The following ZNF462 variants were observed in gnomAD, a reference collection of about 807,000 sequenced individuals.
ZNF462 encodes the protein zinc finger protein 462, also known as zinc finger PBX1-interacting protein.
ZNF462 carries 10 observed loss-of-function variants against 201.9 expected under a neutral mutation model. The observed-to-expected ratio is 0.05, with a 90% CI of 0.03 to 0.08. The LOEUF (loss-of-function observed/expected upper bound fraction) is 0.08. Ranked by LOEUF, ZNF462 falls within the 10% of genes least tolerant of loss-of-function variation. ZNF462 has a pLI of 1.00. For missense variants in ZNF462, 2,523 were observed against 3,168.3 expected (o/e 0.80, Z 4.89); for synonymous variants, 1,227 against 1,193.3 (o/e 1.03, Z -0.58).
chr9:106,959,856 C>A (rs575999353), intron 7 of ZNF462, among the ~76,000 whole-genome samples: 180 of 152,178 alleles, frequency 1.2e-3, no homozygotes, highest in African/African-American at 4.1e-3. Context: ...TAATACCCTA[C>A]ACCTGAATCC....
At chr9:106,903,659 T>G (rs1162540794) in intron 1 of ZNF462, among the ~76,000 whole-genome samples, 1 of 152,172 alleles carries the variant, frequency 6.6e-6, no homozygotes, top group African/African-American at 2.4e-5. Context: ...AGACAAGGCC[T>G]TTTACCATTG....
chr9:106,929,489 A>C lies in ZNF462; in HGVS notation c.5577A>C (p.Ala1859=). 6.2e-7 allele frequency: 1 copy of C among 1,614,200 alleles called. No homozygotes were observed. The highest frequency in any genetic ancestry group is 8.5e-7 in the Non-Finnish European group (1 of 1,180,038). ...GCTTCAAGCTGTCCTTTAGCACTGC[A>C]GAGCTGCTGTGCATGCATTACACTG... ...IKCFKLSFST[A]ELLCMHYTDH... The change falls in exon 3 of 13, where the codon GCA becomes GCC. Residue 1859 remains alanine, a synonymous_variant. Transcript: ENST00000277225. This position sits in a 1 kb window ranked among gnomAD's most constrained non-coding sequence, Gnocchi z 8.7.
rs1478419087 is a variant in ZNF462, at chr9:106,963,785, T to C, written c.6428-8220T>C. ...TACACATTGTTATACAGCAGATCTC[T>C]AGAACTCTTTCATCTTACACGACTG... On this transcript the variant is annotated intron_variant, in intron 7 of 12. Coordinates refer to ENST00000277225, the MANE Select transcript of ZNF462 (RefSeq NM_021224.6). The surrounding 1 kb of genome is among the most constrained non-coding windows in gnomAD (Gnocchi z 4.7). 6.6e-6 allele frequency among the ~76,000 whole-genome samples: 1 copy of C among 152,024 alleles called. No homozygotes were observed. Among genetic ancestry groups the C allele is most frequent in the Non-Finnish European group, 1.5e-5 (1 of 67,974 alleles).
chr9:107,002,575 G>A (rs1829274068), intron 10 of ZNF462, among the ~76,000 whole-genome samples: 1 of 152,132 alleles, frequency 6.6e-6, no homozygotes, highest in Non-Finnish European at 1.5e-5. Flanking sequence ...TTTGAAGAAA[G>A]CTTGGATTCC....
In ZNF462 at chr9:106,938,825, T is replaced by C. The variant is rs563757962; in HGVS notation, c.6236-91T>C. ...AAGCTTGAGATGCGCTTCTCTAGCA[T>C]GAGTTAACTGAGTTATCTTGTTTCC... On this transcript the variant is annotated intron_variant, in intron 6 of 12. Transcript: ENST00000277225. The surrounding 1 kb of genome is among the most constrained non-coding windows in gnomAD (Gnocchi z 4.4). 10 of 1,320,756 alleles carry C rather than the reference T, an allele frequency of 7.6e-6. No homozygotes were observed. In the East Asian group the frequency reaches 2.4e-4, roughly 32 times the overall value. 81.8% of individuals were successfully genotyped at this position (1,320,756 alleles called of 1,614,324 possible). A position where few individuals can be genotyped will look rare whatever the true frequency, so the allele number is the denominator to read the frequency against.
intron 9 of ZNF462, among the ~76,000 whole-genome samples, chr9:106,982,487 T>G (rs573500554): frequency 6.6e-6 from 1 of 152,310 alleles, no homozygotes; most frequent in East Asian, 1.9e-4. Flanking sequence ...CCAAAGCATT[T>G]TTTTTTCTCC....
chr9:106,991,990 T>C (rs1828316133), intron 10 of ZNF462, among the ~76,000 whole-genome samples: 1 of 151,614 alleles, frequency 6.6e-6, no homozygotes, highest in Non-Finnish European at 1.5e-5. Flanking sequence ...AATTTTTATA[T>C]ATGATGCAAA....
chr9:106,879,778 C>T (rs965972179), intron 1 of ZNF462, among the ~76,000 whole-genome samples: 5 of 152,060 alleles, frequency 3.3e-5, no homozygotes, highest in African/African-American at 1.2e-4. Flanking sequence ...TGTCTAGTTC[C>T]CCTGGAAAGA....
Position 106,890,824 on chromosome 9 carries a change from C to T in ZNF462, c.-31+27469C>T, listed in dbSNP as rs1172973496. Among the ~76,000 whole-genome samples, 1 of 152,192 alleles carries T rather than the reference C, an allele frequency of 6.6e-6. No individual in the cohort carries two copies. The highest frequency in any genetic ancestry group is 2.1e-4 in the South Asian group (1 of 4,832). On this transcript the variant is annotated intron_variant, in intron 1 of 12. Transcript: ENST00000277225. The surrounding 1 kb of genome is among the most constrained non-coding windows in gnomAD (Gnocchi z 4.2). ...TCAATTATCATGAGATTACCACATA[C>T]TCTTGCCTGGAATCTTGCCAGCAAT...
At position 106,876,767 on chromosome 9, in the gene ZNF462, T is replaced by C. The variant is rs1243431965; in HGVS notation, c.-31+13412T>C. ...TTTCAGAAGAAAGATGTTATTACTG[T>C]TCCTATTGTTTGGCATCATTCTGGC... On this transcript the variant is annotated intron_variant, in intron 1 of 12. Transcript: ENST00000277225. This position sits in a 1 kb window ranked among gnomAD's most constrained non-coding sequence, Gnocchi z 4.9. Among the ~76,000 whole-genome samples, 1 of 152,200 alleles carries C rather than the reference T, an allele frequency of 6.6e-6. No individual in the cohort carries two copies. Among genetic ancestry groups the C allele is most frequent in the East Asian group, 1.9e-4 (1 of 5,188 alleles).
chr9:106,974,443 A>G lies in ZNF462; in HGVS notation c.6832+170A>G. Reference sequence around the variant, plus strand: ...CAGTGACAGCCAAAAGGGCAAAAACACCTTCCTGCTGGGAGTATTTCCTCC... The same window carrying G: ...CAGTGACAGCCAAAAGGGCAAAAACGCCTTCCTGCTGGGAGTATTTCCTCC... On this transcript the variant is annotated intron_variant, in intron 9 of 12. Coordinates refer to ENST00000277225, the MANE Select transcript of ZNF462 (RefSeq NM_021224.6). The surrounding 1 kb of genome is among the most constrained non-coding windows in gnomAD (Gnocchi z 4.0). The G allele has an allele frequency of 1.0e-6, 1 of 971,912 alleles. No individual in the cohort carries two copies. The highest frequency in any genetic ancestry group is 1.4e-5 in the South Asian group (1 of 70,854). 60.2% of individuals were successfully genotyped at this position (971,912 alleles called of 1,614,324 possible). A position where few individuals can be genotyped will look rare whatever the true frequency, so the allele number is the denominator to read the frequency against.
At chr9:107,007,011 A>C (rs1415494078) in intron 11 of ZNF462, among the ~76,000 whole-genome samples, 1 of 152,054 alleles carries the variant, frequency 6.6e-6, no homozygotes, top group Non-Finnish European at 1.5e-5. Context: ...TGATTTCTTA[A>C]CATCTCTGCA....
At chr9:106,896,405 T>C (rs927130676) in intron 1 of ZNF462, among the ~76,000 whole-genome samples, 1 of 152,112 alleles carries the variant, frequency 6.6e-6, no homozygotes. Flanking sequence ...AGATGTGAGG[T>C]AGAGTGGACC....
At chr9:106,931,608 G>A (rs1029052828) in intron 4 of ZNF462, among the ~76,000 whole-genome samples, 9 of 152,270 alleles carry the variant, frequency 5.9e-5, no homozygotes, top group East Asian at 1.9e-4. Context: ...ACACCACTGC[G>A]GTGTGTCCCA....
intron 9 of ZNF462, among the ~76,000 whole-genome samples, chr9:106,982,540 C>T (rs1160882562): frequency 6.6e-6 from 1 of 152,152 alleles, no homozygotes; most frequent in Admixed American, 6.5e-5. Flanking sequence ...AGGACTTAAA[C>T]AGTTGCTATT....
chr9:106,892,182 T>G (rs1318653876), intron 1 of ZNF462, among the ~76,000 whole-genome samples: 1 of 152,192 alleles, frequency 6.6e-6, no homozygotes, highest in Non-Finnish European at 1.5e-5. Context: ...GCTGGTTTAA[T>G]AGAGTTTTAA....
chr9:106,868,950 G>A (rs1254919421), intron 1 of ZNF462, among the ~76,000 whole-genome samples: 2 of 152,142 alleles, frequency 1.3e-5, no homozygotes, highest in Non-Finnish European at 2.9e-5. Context: ...TAGATCCAGA[G>A]CCCAATTTTG....
intron 10 of ZNF462, among the ~76,000 whole-genome samples, chr9:106,996,703 T>G (rs1438794022): frequency 6.6e-6 from 1 of 152,196 alleles, no homozygotes; most frequent in Non-Finnish European, 1.5e-5. Context: ...TCTTTGTAGA[T>G]TCTGGATATT....
rs1014686012 is a variant in ZNF462 at position 107,013,141 on chromosome 9, T to C, written c.*2111T>C. 6.6e-6 allele frequency: 1 copy of C among 151,766 alleles called. No homozygotes were observed. The highest frequency in any genetic ancestry group is 2.4e-5 in the African/African-American group (1 of 41,080). The allele number at this position is 151,766 out of a possible 1,614,324, so 9.4% of individuals were successfully genotyped here. A position where few individuals can be genotyped will look rare whatever the true frequency, so the allele number is the denominator to read the frequency against. On this transcript the variant is annotated 3_prime_UTR_variant, in exon 13 of 13. Coordinates refer to ENST00000277225, the MANE Select transcript of ZNF462 (RefSeq NM_021224.6). ...AAAGGAAAAAAAAAAAGAAAATAATTGTGACATGCTTTTATCACTACTTTA... is the reference window on the plus strand; with the variant it reads ...AAAGGAAAAAAAAAAAGAAAATAATCGTGACATGCTTTTATCACTACTTTA...
Sources: gnomAD v4.1 joint callset for allele counts (sites outside exome capture counted in the v4.1 genomes callset) on GRCh38, gnomAD v4.1.1 for gene constraint, Gnocchi (gnomAD v3.1) non-coding constraint, MANE v1.5 for transcripts, NCBI Gene and HGNC (gene_info 2026-07-23, HGNC 2026-07-21) for gene names.